Variants in MIA3 observed in about 807,000 individuals in gnomAD.
MIA3 encodes MIA SH3 domain ER export factor 3.
A neutral mutation model predicts 192.4 loss-of-function variants in MIA3; 90 were observed. That is an observed-to-expected ratio of 0.47 (90% CI 0.39 to 0.56). The LOEUF is 0.56. Among genes scored for constraint, MIA3 ranks in the 20% least tolerant of loss-of-function variants. MIA3 has a pLI of 0.00. For missense variants in MIA3, 2,123 were observed against 2,269.4 expected, an observed-to-expected ratio of 0.94 and a Z score of 1.31; for synonymous variants, 740 against 792.8, an observed-to-expected ratio of 0.93 and a Z score of 1.12.
chr1:222,658,237 G>C (rs150635537), intron 18 of MIA3, among the ~76,000 whole-genome samples: 453 of 152,302 alleles, frequency 3.0e-3, no homozygotes, highest in Middle Eastern at 0.01. Context: ...GGGGTTAATT[G>C]TACAGTTAAG....
chr1:222,633,809 T>TGGGGAAGCC lies in MIA3; in HGVS notation c.3477+561_3477+569dup, dbSNP rs1206602211. On this transcript the variant is annotated intron_variant, in intron 6 of 27. Coordinates refer to ENST00000344922, the MANE Select transcript of MIA3 (RefSeq NM_198551.4). ...ATGGAGGCATGAAGAAAAGGTTATT[T>TGGGGAAGCC]GGGGAAGCCAGGGAAGCGTGGGTAG... Among the ~76,000 whole-genome samples the TGGGGAAGCC allele has an allele frequency of 2.5e-4, 38 of 151,098 alleles. No homozygotes were observed. In the South Asian group the frequency reaches 5.2e-3, roughly 21 times the overall value.
chr1:222,649,492 TGTG>T (rs2124899961), intron 8 of MIA3: 1 of 152,518 alleles, frequency 6.6e-6, no homozygotes, highest in Non-Finnish European at 1.5e-5. Context: ...CAAGGCCTGG[TGTG>T]GTGGCTCATG....
At position 222,654,644 on chromosome 1, in the gene MIA3, A is replaced by G; in HGVS notation, c.4469-11A>G. ...CACACATATGGAACTCAAATGTTTT[A>G]TCCTTTACAGACCAGGTAAAGAAAT... On this transcript the variant is annotated splice_polypyrimidine_tract_variant and intron_variant, in intron 17 of 27. Transcript: ENST00000344922. 6.2e-7 allele frequency: 1 copy of G among 1,613,580 alleles called. No individual in the cohort carries two copies. The highest frequency in any genetic ancestry group is 8.5e-7 in the Non-Finnish European group (1 of 1,179,774).
In MIA3 at chr1:222,624,765, T is replaced by G. The variant is rs1300976980; in HGVS notation, c.268-3T>G. 1 of 1,488,588 alleles carries G rather than the reference T, an allele frequency of 6.7e-7. No individual in the cohort carries two copies. Among genetic ancestry groups the G allele is most frequent in the Non-Finnish European group, 9.4e-7 (1 of 1,068,132 alleles). 92.2% of individuals were successfully genotyped at this position (1,488,588 alleles called of 1,614,324 possible). On this transcript the variant is annotated splice_region_variant and splice_polypyrimidine_tract_variant and intron_variant, in intron 2 of 27. Transcript: ENST00000344922. ...TGTCCCTTTTGCCCATTCTTTTGTG[T>G]AGGTTGGACGCACTTTTGGATATTT...
chr1:222,658,840 A>G lies in MIA3; in HGVS notation c.4709+17A>G. 1 of 1,570,798 alleles carries G rather than the reference A, an allele frequency of 6.4e-7. No homozygotes were observed. The highest frequency in any genetic ancestry group is 8.7e-7 in the Non-Finnish European group (1 of 1,143,658). ...AACTTACAAGTAAGTTCACCTCCTA[A>G]AGAGGGTATCAGTGGCTAATGAAAC... On this transcript the variant is annotated intron_variant, in intron 19 of 27. Coordinates refer to ENST00000344922, the MANE Select transcript of MIA3 (RefSeq NM_198551.4).
At chr1:222,658,011 T>C (rs1222665483) in intron 18 of MIA3, among the ~76,000 whole-genome samples, 5 of 152,272 alleles carry the variant, frequency 3.3e-5, no homozygotes, top group African/African-American at 1.2e-4. Flanking sequence ...TAAATGTTGC[T>C]GCCTTTACAA....
At chr1:222,649,022 T>C in intron 8 of MIA3, among the ~76,000 whole-genome samples, 172 bp downstream of exon 8, 1 of 152,172 alleles carries the variant, frequency 6.6e-6, no homozygotes, top group East Asian at 1.9e-4. Context: ...ATGGTGATGC[T>C]ACCAACTGAG....
rs200478097 is a variant in MIA3 at position 222,663,980 on chromosome 1, A to G, written c.5263-18A>G. 1.3e-4 allele frequency: 211 copies of G among 1,594,234 alleles called. No individual in the cohort carries two copies. Among genetic ancestry groups the G allele is most frequent in the South Asian group, 9.6e-4 (86 of 89,770 alleles). ...CATACCATAGTATTTCAAAACTTCA[A>G]TTGTTTCTACTCTGCAGGTTAATAT... On this transcript the variant is annotated intron_variant, in intron 26 of 27. Coordinates refer to ENST00000344922, the MANE Select transcript of MIA3 (RefSeq NM_198551.4).
At chr1:222,637,637 G>A (rs1662685586) in intron 6 of MIA3, among the ~76,000 whole-genome samples, 1 of 149,784 alleles carries the variant, frequency 6.7e-6, no homozygotes, top group Non-Finnish European at 1.5e-5. Context: ...TCATTATGCT[G>A]TCATGGATTT....
intron 3 of MIA3, 89 bp downstream of exon 3, chr1:222,624,943 A>T (rs1662041291): frequency 4.7e-6 from 3 of 644,622 alleles, no homozygotes; most frequent in Admixed American, 5.4e-5. Context: ...AAAGAATTTA[A>T]ATGAGATTTT....
intron 6 of MIA3, among the ~76,000 whole-genome samples, chr1:222,637,871 G>A (rs1346523184): frequency 6.6e-6 from 1 of 151,602 alleles, no homozygotes; most frequent in Non-Finnish European, 1.5e-5. Context: ...TTGTAGAGAC[G>A]GGGTTTTGCC....
rs568624131 is a variant in MIA3, at chr1:222,635,272, T to C, written c.3477+2023T>C. Reference sequence around the variant, plus strand: ...ACTTGAAAAATTTAACAGCCCCAGTTGTAGAAGGAATTCTTTATTCATTGT... The same window carrying C: ...ACTTGAAAAATTTAACAGCCCCAGTCGTAGAAGGAATTCTTTATTCATTGT... On this transcript the variant is annotated intron_variant, in intron 6 of 27. Coordinates refer to ENST00000344922, the MANE Select transcript of MIA3 (RefSeq NM_198551.4). 1.8e-3 allele frequency among the ~76,000 whole-genome samples: 275 copies of C among 152,330 alleles called. 2 individuals carry two copies. Among genetic ancestry groups the C allele is most frequent in the African/African-American group, 5.9e-3 (247 of 41,562 alleles).
At chr1:222,622,834 A>T (rs1661936239) in intron 2 of MIA3, among the ~76,000 whole-genome samples, 1 of 152,074 alleles carries the variant, frequency 6.6e-6, no homozygotes, top group African/African-American at 2.4e-5. Flanking sequence ...TCATCTCTGG[A>T]TGTCCTGTCA....
intron 27 of MIA3, among the ~76,000 whole-genome samples, chr1:222,664,429 T>C (rs1664177701): frequency 2.0e-5 from 3 of 152,320 alleles, no homozygotes; most frequent in South Asian, 4.1e-4. Flanking sequence ...TGTACTAGGC[T>C]CTGCAATGGA....
At chr1:222,618,368 G>C in intron 1 of MIA3, 125 bp downstream of exon 1, 1 of 1,014,686 alleles carries the variant, frequency 9.9e-7, no homozygotes. Context: ...GCCCCTGGCC[G>C]GCCCGGGGGT....
chr1:222,651,319 A>G (rs936140707), intron 11 of MIA3, among the ~76,000 whole-genome samples: 2 of 151,572 alleles, frequency 1.3e-5, no homozygotes, highest in African/African-American at 4.8e-5. Context: ...CCCACACCCT[A>G]TTAATCTTGA....
intron 12 of MIA3, 67 bp downstream of exon 12, chr1:222,652,115 T>A: frequency 3.0e-6 from 4 of 1,320,472 alleles, no homozygotes; most frequent in Non-Finnish European, 4.3e-6. Context: ...GAGCAAAAAT[T>A]TGATATATGC....
At chr1:222,655,037 C>G (rs1053348045) in intron 18 of MIA3, among the ~76,000 whole-genome samples, 1 of 152,172 alleles carries the variant, frequency 6.6e-6, no homozygotes, top group Non-Finnish European at 1.5e-5. Flanking sequence ...TACTGACGGT[C>G]GCTGCTGTGG....
chr1:222,651,714 C>T (rs1329529964), intron 11 of MIA3, among the ~76,000 whole-genome samples: 1 of 151,340 alleles, frequency 6.6e-6, no homozygotes, highest in Non-Finnish European at 1.5e-5. Flanking sequence ...TTTTCTTTCA[C>T]CTTTTAGTCT....
Sources: gnomAD v4.1 joint callset for allele counts (sites outside exome capture counted in the v4.1 genomes callset) on GRCh38, gnomAD v4.1.1 for gene constraint, MANE v1.5 for transcripts, NCBI Gene and HGNC (gene_info 2026-07-23, HGNC 2026-07-21) for gene names.